LRRTM4: variants seen among roughly 807,000 people sequenced by gnomAD.
The protein encoded by LRRTM4 is leucine-rich repeat transmembrane neuronal protein 4.
Under a neutral mutation model 47.6 loss-of-function variants are expected in LRRTM4, and 25 were observed. That is an observed-to-expected ratio of 0.53 (90% CI 0.38 to 0.73). LRRTM4 has a LOEUF of 0.73. Among genes scored for constraint, LRRTM4 ranks in the 30% least tolerant of loss-of-function variants. The probability of loss-of-function intolerance (pLI) is 0.00; values close to 1 mark genes in which losing one functional copy is unlikely to be tolerated. For missense variants in LRRTM4, 638 were observed against 713.4 expected, an observed-to-expected ratio of 0.89 and a Z score of 1.20; for synonymous variants, 311 against 269.5, an observed-to-expected ratio of 1.15 and a Z score of -1.51.
intron 3 of LRRTM4, among the ~76,000 whole-genome samples, chr2:76,815,651 A>G (rs558665387): frequency 1.3e-5 from 2 of 152,238 alleles, no homozygotes; most frequent in Admixed American, 6.6e-5. Context: ...AAGACTGCAA[A>G]AAGTTTGAAT....
chr2:76,748,871 G>A lies in LRRTM4; in HGVS notation c.1597C>T (p.Pro533Ser), dbSNP rs746351843. 5 of 1,613,990 alleles carry A rather than the reference G, an allele frequency of 3.1e-6. No individual in the cohort carries two copies. The highest frequency in any genetic ancestry group is 4.2e-6 in the Non-Finnish European group (5 of 1,179,892). ...TGGGCCTGGCAGTACCCGATCACAG[G>A]CTGGTCATAGCTGTAATATGGCAAG... is the stretch of plus-strand genomic sequence containing the variant. Reference protein sequence around the residue: ...KPLPYYSYDQPVIGYCQAHQP... With the variant: ...KPLPYYSYDQSVIGYCQAHQP... Residue 533 changes from proline (P) to serine (S), a missense_variant, in exon 4 of 4, where the codon CCT (proline) becomes TCT (serine). By Grantham distance (74) the Pro-to-Ser change is moderately conservative (BLOSUM62 -1). Transcript: ENST00000409884.
In LRRTM4 at chr2:77,429,232, C is replaced by T. The variant is rs373846915; in HGVS notation, c.1551+89086G>A. On this transcript the variant is annotated intron_variant, in intron 3 of 3. Coordinates refer to ENST00000409884, the MANE Select transcript of LRRTM4 (RefSeq NM_001134745.3). ...AGCATTTAAAGAACAACTCCAGATA[C>T]GGAATAATCGATTATAAGATATAAT... Among the ~76,000 whole-genome samples the T allele has an allele frequency of 2.4e-3, 359 of 152,030 alleles. 1 individual carries two copies. Among genetic ancestry groups the T allele is most frequent in the African/African-American group, 8.2e-3 (339 of 41,470 alleles).
At chr2:76,956,230 G>A (rs192623884) in intron 3 of LRRTM4, among the ~76,000 whole-genome samples, 1 of 151,614 alleles carries the variant, frequency 6.6e-6, no homozygotes. Context: ...TAAGAAGACT[G>A]GCATAATGGC....
At chr2:77,475,397 C>T (rs1005337950) in intron 3 of LRRTM4, among the ~76,000 whole-genome samples, 22 of 152,016 alleles carry the variant, frequency 1.4e-4, no homozygotes, top group African/African-American at 5.1e-4. Context: ...TTTTATATTG[C>T]TAGATATCAC....
intron 3 of LRRTM4, among the ~76,000 whole-genome samples, chr2:77,048,364 T>C (rs1446013480): frequency 1.3e-5 from 2 of 152,042 alleles, no homozygotes; most frequent in African/African-American, 4.8e-5. Context: ...AGTTTTAGCA[T>C]GAATTATTTG....
At chr2:76,798,847 C>T (rs578084618) in intron 3 of LRRTM4, among the ~76,000 whole-genome samples, 2 of 152,294 alleles carry the variant, frequency 1.3e-5, no homozygotes, top group Non-Finnish European at 2.9e-5. Context: ...ACTAGAAAAT[C>T]TACAAGAAAT....
chr2:76,960,739 C>T (rs188398382), intron 3 of LRRTM4, among the ~76,000 whole-genome samples: 11 of 151,604 alleles, frequency 7.3e-5, no homozygotes, highest in African/African-American at 1.9e-4. Flanking sequence ...TAACACTATA[C>T]ATTTTGTTTT....
At chr2:77,326,469 C>A (rs1428528954) in intron 3 of LRRTM4, among the ~76,000 whole-genome samples, 1 of 152,190 alleles carries the variant, frequency 6.6e-6, no homozygotes, top group Non-Finnish European at 1.5e-5. Context: ...TCATAGCTCA[C>A]TGTGGCCTCG....
At chr2:76,904,932 C>G (rs143633522) in intron 3 of LRRTM4, among the ~76,000 whole-genome samples, 1 of 152,164 alleles carries the variant, frequency 6.6e-6, no homozygotes, top group African/African-American at 2.4e-5. Flanking sequence ...CTACAGCTCC[C>G]AGTGTGAGCG....
At chr2:76,962,218 T>C (rs1675883241) in intron 3 of LRRTM4, among the ~76,000 whole-genome samples, 1 of 151,254 alleles carries the variant, frequency 6.6e-6, no homozygotes, top group African/African-American at 2.4e-5. Flanking sequence ...ATTTGAAAGA[T>C]AAATAAAAAT....
chr2:76,781,347 C>G (rs1433143967), intron 3 of LRRTM4, among the ~76,000 whole-genome samples: 2 of 151,970 alleles, frequency 1.3e-5, no homozygotes, highest in Non-Finnish European at 2.9e-5. Flanking sequence ...CACCCCTCCC[C>G]CAGCCTGGCT....
chr2:77,261,837 A>G (rs1262543831), intron 3 of LRRTM4, among the ~76,000 whole-genome samples: 1 of 152,162 alleles, frequency 6.6e-6, no homozygotes, highest in Non-Finnish European at 1.5e-5. Context: ...TCATTACAGT[A>G]GAGGTCCTAT....
intron 3 of LRRTM4, among the ~76,000 whole-genome samples, chr2:76,906,032 G>A (rs1156249259): frequency 3.3e-5 from 5 of 151,996 alleles, no homozygotes; most frequent in African/African-American, 1.2e-4. Flanking sequence ...GCAACTCCAA[G>A]GCACATAATT....
chr2:77,060,901 A>G (rs907017578), intron 3 of LRRTM4, among the ~76,000 whole-genome samples: 2 of 152,182 alleles, frequency 1.3e-5, no homozygotes, highest in African/African-American at 4.8e-5. Context: ...CACAATTTAT[A>G]TAAATTTATT....
At chr2:77,210,046 A>G (rs1022779392) in intron 3 of LRRTM4, among the ~76,000 whole-genome samples, 47 of 152,296 alleles carry the variant, frequency 3.1e-4, no homozygotes, top group African/African-American at 1.0e-3. Flanking sequence ...CAGACACTAC[A>G]TCAATGCATT....
At chr2:77,513,865 G>A (rs113080674) in intron 3 of LRRTM4, among the ~76,000 whole-genome samples, 31 of 151,816 alleles carry the variant, frequency 2.0e-4, no homozygotes, top group African/African-American at 6.3e-4. Context: ...TGCACCTGAC[G>A]ATACTTATAA....
rs75715904 is a variant in LRRTM4 at position 77,511,737 on chromosome 2, C to T, written c.1551+6581G>A. On this transcript the variant is annotated intron_variant, in intron 3 of 3. Coordinates refer to ENST00000409884, the MANE Select transcript of LRRTM4 (RefSeq NM_001134745.3). ...TTCATATTTCTTTCTGAATTTCTTA[C>T]ATTTTCACCATTTTTAAATATTTTA... Among the ~76,000 whole-genome samples, 1,316 of 152,018 alleles carry T rather than the reference C, an allele frequency of 8.7e-3. 13 individuals carry two copies. Among genetic ancestry groups the T allele is most frequent in the Admixed American group, 0.015 (225 of 15,262 alleles).
At position 77,360,438 on chromosome 2, in the gene LRRTM4, G is replaced by A. The variant is rs542673562; in HGVS notation, c.1551+157880C>T. 3.3e-4 allele frequency among the ~76,000 whole-genome samples: 50 copies of A among 151,666 alleles called. No individual in the cohort carries two copies. In the Middle Eastern group the frequency reaches 0.01, roughly 31 times the overall value. ...CGGCCACTGCACTGTAGCCTGGGCG[G>A]CAGAGCGAGACTCCATCTCAAAAAA... On this transcript the variant is annotated intron_variant, in intron 3 of 3. Transcript: ENST00000409884.
intron 3 of LRRTM4, among the ~76,000 whole-genome samples, chr2:77,386,149 A>G (rs938260931): frequency 5.1e-5 from 6 of 116,694 alleles, no homozygotes; most frequent in Non-Finnish European, 1.1e-4. Flanking sequence ...AAAATCATCC[A>G]CAAAAATAAT....
Sources: allele counts gnomAD v4.1 joint callset (sites outside exome capture counted in the v4.1 genomes callset), GRCh38; gene constraint gnomAD v4.1.1; transcripts MANE v1.5; gene names NCBI Gene and HGNC (gene_info 2026-07-23, HGNC 2026-07-21).